The following C2CD5 variants were observed in gnomAD, a reference collection of about 807,000 sequenced individuals.
The protein encoded by C2CD5 is C2 domain-containing protein 5.
Under a neutral mutation model 130.3 loss-of-function variants are expected in C2CD5, and 109 were observed. That is an observed-to-expected ratio of 0.84 (90% CI 0.72 to 0.98). C2CD5 has a LOEUF of 0.98. Ranked by LOEUF, C2CD5 falls within the 50% of genes least tolerant of loss-of-function variation. The pLI, the probability that C2CD5 is intolerant of heterozygous loss-of-function variation, is 0.00. For synonymous variants in C2CD5, 454 were observed against 429.2 expected, an observed-to-expected ratio of 1.06 and a Z score of -0.71; for missense variants, 996 against 1,261.8, an observed-to-expected ratio of 0.79 and a Z score of 3.19.
chr12:22,504,312 T>C (rs867107976), intron 10 of C2CD5, among the ~76,000 whole-genome samples: 3,202 of 151,552 alleles, frequency 0.021, 106 homozygotes, highest in African/African-American at 0.073. Flanking sequence ...TTCTTTTTTT[T>C]TTTTTTTGAG....
At chr12:22,518,205 T>C in intron 7 of C2CD5, 68 bp from the exon 8 acceptor site, 1 of 1,456,202 alleles carries the variant, frequency 6.9e-7, no homozygotes, top group Non-Finnish European at 9.6e-7. Context: ...GGCAGCATGA[T>C]CCAAACACCA....
intron 22 of C2CD5, among the ~76,000 whole-genome samples, chr12:22,465,508 A>G (rs540744026): frequency 6.6e-6 from 1 of 152,268 alleles, no homozygotes; most frequent in Admixed American, 6.5e-5. Flanking sequence ...AAGCCTTTAG[A>G]TATTTCTCTG....
intron 3 of C2CD5, among the ~76,000 whole-genome samples, chr12:22,530,032 A>G (rs973365247): frequency 1.3e-5 from 2 of 148,502 alleles, no homozygotes; most frequent in Non-Finnish European, 3.0e-5. Context: ...TTTCTTTCAC[A>G]TAAGAGAAAA....
At chr12:22,464,256 G>A (rs949427781) in intron 22 of C2CD5, among the ~76,000 whole-genome samples, 14 of 152,036 alleles carry the variant, frequency 9.2e-5, no homozygotes, top group Non-Finnish European at 1.5e-4. Context: ...TCCCTATTTG[G>A]GTCATTTAAG....
At chr12:22,539,192 T>C (rs1952105562) in intron 2 of C2CD5, among the ~76,000 whole-genome samples, 1 of 152,186 alleles carries the variant, frequency 6.6e-6, no homozygotes, top group African/African-American at 2.4e-5. Context: ...TCCACCCTCA[T>C]CATGCCTCTT....
chr12:22,504,304 CTTTT>C (rs10707954), intron 10 of C2CD5, among the ~76,000 whole-genome samples: 3 of 135,612 alleles, frequency 2.2e-5, no homozygotes, highest in African/African-American at 2.8e-5. Flanking sequence ...GTTTTTTTTT[CTTTT>C]TTTTTTTTTT....
chr12:22,519,200 C>G, intron 7 of C2CD5: 1 of 1,535,756 alleles, frequency 6.5e-7, no homozygotes, highest in South Asian at 1.2e-5. Flanking sequence ...TGTTGTGAGT[C>G]GAGCGGCATC....
At chr12:22,518,417 A>G (rs1949968801) in intron 7 of C2CD5, among the ~76,000 whole-genome samples, 1 of 152,258 alleles carries the variant, frequency 6.6e-6, no homozygotes, top group Non-Finnish European at 1.5e-5. Flanking sequence ...AGGAGAAATA[A>G]AAAGAATATA....
At chr12:22,537,190 C>T (rs1259104339) in intron 2 of C2CD5, among the ~76,000 whole-genome samples, 1 of 152,112 alleles carries the variant, frequency 6.6e-6, no homozygotes, top group Non-Finnish European at 1.5e-5. Context: ...TGCAACTGTT[C>T]ATTCTAAATA....
At chr12:22,497,590 A>T (rs564759156) in intron 10 of C2CD5, 4 of 968,250 alleles carry the variant, frequency 4.1e-6, no homozygotes, top group Non-Finnish European at 4.9e-6. Context: ...TGAAAGTAAC[A>T]TTCCAACTGC....
At chr12:22,491,948 A>C (rs1329036020) in intron 11 of C2CD5, among the ~76,000 whole-genome samples, 3 of 152,090 alleles carry the variant, frequency 2.0e-5, no homozygotes, top group Non-Finnish European at 2.9e-5. Flanking sequence ...AAAACCATCA[A>C]TGTGGCAAGA....
intron 2 of C2CD5, among the ~76,000 whole-genome samples, chr12:22,535,702 C>T (rs1329989818): frequency 6.6e-6 from 1 of 152,128 alleles, no homozygotes; most frequent in Non-Finnish European, 1.5e-5. Context: ...CTGTCTTTAA[C>T]CACATCAAAA....
At chr12:22,483,124 C>A (rs1243210968) in intron 13 of C2CD5, among the ~76,000 whole-genome samples, 3 of 151,942 alleles carry the variant, frequency 2.0e-5, no homozygotes, top group Non-Finnish European at 4.4e-5. Context: ...GTATTACATG[C>A]CTGTATCAAA....
chr12:22,487,960 C>A (rs758709856), intron 12 of C2CD5, among the ~76,000 whole-genome samples: 4 of 150,608 alleles, frequency 2.7e-5, no homozygotes, highest in South Asian at 2.1e-4. Context: ...GGACAAAAAA[C>A]CAAACACTGC....
Position 22,469,741 on chromosome 12 carries a change from G to T in C2CD5, c.2501C>A (p.Ser834Ter). The T allele has an allele frequency of 6.2e-7, 1 of 1,605,432 alleles. No homozygotes were observed. Among genetic ancestry groups the T allele is most frequent in the South Asian group, 1.1e-5 (1 of 89,930 alleles). Residue 834 changes from serine to a stop codon, truncating the protein, a stop_gained, in exon 22 of 27, where the codon TCA (serine) becomes TAA (stop). Transcript: ENST00000446597. LOFTEE classifies it high-confidence loss of function. ...TGGTGGAAAAGGATGAGAAGGAAGT[G>T]AATCTGAACACAGTTCCAGTGGAAA... The part of the protein sequence containing the change: ...LQFPLELCSD[S>*]LPSHPFPPAK...
At position 22,487,690 on chromosome 12, in the gene C2CD5, T is replaced by C. The variant is rs533383682; in HGVS notation, c.1358+2433A>G. ...CTAGAAATACCATTTGACCCAGCCA[T>C]CCCATTACTGGGTATATACCCAAAG... On this transcript the variant is annotated intron_variant, in intron 12 of 26. Coordinates refer to ENST00000446597, the MANE Select transcript of C2CD5 (RefSeq NM_001286176.2). 3.6e-3 allele frequency among the ~76,000 whole-genome samples: 552 copies of C among 152,118 alleles called. 10 individuals carry two copies. The highest frequency in any genetic ancestry group is 4.6e-3 in the Non-Finnish European group (310 of 68,012).
intron 4 of C2CD5, 66 bp from the exon 5 acceptor site, chr12:22,525,771 C>A: frequency 1.3e-6 from 1 of 781,358 alleles, no homozygotes; most frequent in Non-Finnish European, 2.2e-6. Flanking sequence ...AATAATGAAG[C>A]AAATTAATGC....
intron 1 of C2CD5, 28 bp downstream of exon 1, chr12:22,544,292 G>A (rs1040590272): frequency 3.2e-6 from 2 of 620,136 alleles, no homozygotes; most frequent in Non-Finnish European, 5.2e-6. Context: ...GCGGGCGCCC[G>A]GCAGTCGCGC....
Position 22,513,360 on chromosome 12 carries a change from AG to A in C2CD5, c.971del (p.Ala324ValfsTer12). 2 of 1,610,936 alleles carry A rather than the reference AG, an allele frequency of 1.2e-6. No homozygotes were observed. Among genetic ancestry groups the A allele is most frequent in the Non-Finnish European group, 1.7e-6 (2 of 1,177,260 alleles). ...TPKTGMGSGSAGKEGGPFKAL... is the reference protein window; with the variant it reads ...TPKTGMGSGSXGKEGGPFKAL... ...CTTTAAAGGGCCCCCCTTCTTTTCC[AG>A]CACTACCACTTCCCATTCCTACAGA... On this transcript the variant is annotated frameshift_variant, in exon 9 of 27. Coordinates refer to ENST00000446597, the MANE Select transcript of C2CD5 (RefSeq NM_001286176.2). LOFTEE classifies it high-confidence loss of function.
Sources: allele counts gnomAD v4.1 joint callset (sites outside exome capture counted in the v4.1 genomes callset), GRCh38; gene constraint gnomAD v4.1.1; transcripts MANE v1.5; gene names NCBI Gene and HGNC (gene_info 2026-07-23, HGNC 2026-07-21).